Variants in ERI3 observed in about 807,000 individuals in gnomAD.
The protein encoded by ERI3 is ERI1 exoribonuclease 3.
ERI3 carries 18 observed loss-of-function variants against 44.4 expected under a neutral mutation model. That is an observed-to-expected ratio of 0.41 (90% CI 0.28 to 0.60). The LOEUF is 0.60. Among genes scored for constraint, ERI3 ranks in the 20% least tolerant of loss-of-function variants. The pLI is 0.36. For missense variants in ERI3, 294 were observed against 435.5 expected, an observed-to-expected ratio of 0.68 and a Z score of 2.89; for synonymous variants, 183 against 164.8, an observed-to-expected ratio of 1.11 and a Z score of -0.84.
intron 3 of ERI3, among the ~76,000 whole-genome samples, chr1:44,338,372 C>T (rs559241248): frequency 5.3e-5 from 8 of 152,204 alleles, no homozygotes; most frequent in South Asian, 2.1e-4. Flanking sequence ...AAGGCCTGAC[C>T]GGGGCTGGTA....
chr1:44,304,671 T>G (rs1465058034), intron 6 of ERI3, among the ~76,000 whole-genome samples: 1 of 152,158 alleles, frequency 6.6e-6, no homozygotes, highest in Non-Finnish European at 1.5e-5. Flanking sequence ...GTCTCTTCAG[T>G]GGTCTTGACC....
chr1:44,317,865 A>G (rs1461216678), intron 4 of ERI3, among the ~76,000 whole-genome samples: 1 of 152,152 alleles, frequency 6.6e-6, no homozygotes. Context: ...GATGAAGCAG[A>G]GAGATATGAG....
chr1:44,319,824 G>C, intron 3 of ERI3, 80 bp from the exon 4 acceptor site: 1 of 1,078,642 alleles, frequency 9.3e-7, no homozygotes, highest in Non-Finnish European at 1.4e-6. Flanking sequence ...AGTCAACAAA[G>C]AATGAGTGTT....
At chr1:44,238,170 T>C (rs1243643640) in intron 8 of ERI3, among the ~76,000 whole-genome samples, 1 of 152,086 alleles carries the variant, frequency 6.6e-6, no homozygotes, top group Non-Finnish European at 1.5e-5. Context: ...TGAGGAGCCA[T>C]CATTAGCGGT....
chr1:44,232,609 T>C (rs761482677), intron 8 of ERI3, among the ~76,000 whole-genome samples: 11 of 152,106 alleles, frequency 7.2e-5, no homozygotes, highest in Non-Finnish European at 1.3e-4. Flanking sequence ...TAGTCCAAAA[T>C]AGCTGCTGGA....
rs150429055 is a variant in ERI3 at position 44,240,127 on chromosome 1, G to A, written c.931+7812C>T. Among the ~76,000 whole-genome samples the A allele has an allele frequency of 9.1e-3, 1,391 of 152,362 alleles. 13 individuals carry two copies. The highest frequency in any genetic ancestry group is 0.018 in the Admixed American group (275 of 15,312). ...CAGCAGGCTGGCTTGGGCTACACCA[G>A]CCCCTCCTTGAGCTACATGGGCCTA... On this transcript the variant is annotated intron_variant, in intron 8 of 8. Coordinates refer to ENST00000372257, the MANE Select transcript of ERI3 (RefSeq NM_024066.3).
intron 3 of ERI3, among the ~76,000 whole-genome samples, chr1:44,337,756 T>C (rs1646563745): frequency 6.6e-6 from 1 of 152,076 alleles, no homozygotes; most frequent in Non-Finnish European, 1.5e-5. Context: ...TGAAGACAGA[T>C]CCCTTCCTGA....
Position 44,317,117 on chromosome 1 carries a change from G to T in ERI3, c.606+2511C>A, listed in dbSNP as rs116628641. ...TCTCTCCCCAAGCATGTGCCCATGT[G>T]TGTGCACATGTCATACGCATGTGCG... On this transcript the variant is annotated intron_variant, in intron 4 of 8. Transcript: ENST00000372257. Among the ~76,000 whole-genome samples the T allele has an allele frequency of 5.3e-3, 797 of 150,248 alleles. 6 individuals are homozygous for T. The highest frequency in any genetic ancestry group is 0.018 in the African/African-American group (752 of 40,830).
chr1:44,228,497 G>A lies in ERI3; in HGVS notation c.932-6857C>T, dbSNP rs991423322. ...AATTAGAGTTTATCACTTCAGAGAAGTATGCGGACCGAAGATGTTTTTAAA... is the reference window on the plus strand; with the variant it reads ...AATTAGAGTTTATCACTTCAGAGAAATATGCGGACCGAAGATGTTTTTAAA... On this transcript the variant is annotated intron_variant, in intron 8 of 8. Transcript: ENST00000372257. This position sits in a 1 kb window ranked among gnomAD's most constrained non-coding sequence, Gnocchi z 4.3. 1.3e-5 allele frequency among the ~76,000 whole-genome samples: 2 copies of A among 152,206 alleles called. No homozygotes were observed. The highest frequency in any genetic ancestry group is 4.8e-5 in the African/African-American group (2 of 41,454).
chr1:44,309,857 C>A (rs917793457), intron 5 of ERI3, among the ~76,000 whole-genome samples: 1 of 152,082 alleles, frequency 6.6e-6, no homozygotes, highest in South Asian at 2.1e-4. Flanking sequence ...GCCACCACAC[C>A]CGGCCACGAG....
In ERI3 at chr1:44,228,665, C is replaced by T. The variant is rs1644104174; in HGVS notation, c.932-7025G>A. Among the ~76,000 whole-genome samples the T allele has an allele frequency of 6.6e-6, 1 of 152,224 alleles. No individual in the cohort carries two copies. Among genetic ancestry groups the T allele is most frequent in the African/African-American group, 2.4e-5 (1 of 41,462 alleles). On this transcript the variant is annotated intron_variant, in intron 8 of 8. Coordinates refer to ENST00000372257, the MANE Select transcript of ERI3 (RefSeq NM_024066.3). This position sits in a 1 kb window ranked among gnomAD's most constrained non-coding sequence, Gnocchi z 4.3. Reference sequence around the variant, plus strand: ...ATTACACACCCATTACCCGCCAGCTCACAGCCACTTGGGGGCAGTGGGGTG... The same window carrying T: ...ATTACACACCCATTACCCGCCAGCTTACAGCCACTTGGGGGCAGTGGGGTG...
chr1:44,353,481 G>C, intron 1 of ERI3: 1 of 985,396 alleles, frequency 1.0e-6, no homozygotes, highest in Non-Finnish European at 1.2e-6. Flanking sequence ...CAAAGGACCA[G>C]AAGTTGCAGA....
intron 4 of ERI3, 119 bp from the exon 5 acceptor site, chr1:44,313,347 T>C: frequency 2.3e-6 from 2 of 887,254 alleles, no homozygotes; most frequent in Non-Finnish European, 3.6e-6. Context: ...GATCTGGCAC[T>C]GCTTTAGGTT....
intron 8 of ERI3, among the ~76,000 whole-genome samples, chr1:44,245,204 G>A (rs1294179216): frequency 6.6e-6 from 1 of 151,976 alleles, no homozygotes; most frequent in Non-Finnish European, 1.5e-5. Context: ...TCTTTGGTGC[G>A]AGGGCCATTA....
At chr1:44,247,899 G>A (rs376560047) in intron 8 of ERI3, 40 bp downstream of exon 8, 62 of 1,546,540 alleles carry the variant, frequency 4.0e-5, no homozygotes, top group Middle Eastern at 3.4e-4. Context: ...GGCAAGGGAC[G>A]ATGGATGGAG....
Position 44,354,943 on chromosome 1 carries a change from G to A in ERI3, c.84C>T (p.Pro28=), listed in dbSNP as rs1646967360. The change falls in exon 1 of 9, where the codon CCC becomes CCT. Residue 28 remains proline, a synonymous_variant. Coordinates refer to ENST00000372257, the MANE Select transcript of ERI3 (RefSeq NM_024066.3). Reference sequence around the variant, plus strand: ...CCATCCAAGTCCAGGGGAGAGTAAGGGGAGGGGCGGGGGGCCAGGAGACCA... The same window carrying A: ...CCATCCAAGTCCAGGGGAGAGTAAGAGGAGGGGCGGGGGGCCAGGAGACCA... The part of the protein sequence containing the change: ...GGLVSWPPAP[P]LTLPWTWMGP... 1 of 1,337,202 alleles carries A rather than the reference G, an allele frequency of 7.5e-7. No homozygotes were observed. Among genetic ancestry groups the A allele is most frequent in the Non-Finnish European group, 9.6e-7 (1 of 1,036,386 alleles). The allele number at this position is 1,337,202 out of a possible 1,614,324, so 82.8% of individuals were successfully genotyped here. A position where few individuals can be genotyped will look rare whatever the true frequency, so the allele number is the denominator to read the frequency against.
At chr1:44,302,993 T>C (rs1183445215) in intron 6 of ERI3, among the ~76,000 whole-genome samples, 1 of 152,236 alleles carries the variant, frequency 6.6e-6, no homozygotes, top group Non-Finnish European at 1.5e-5. Context: ...AAGGACTAAA[T>C]GACATCATAT....
At chr1:44,231,642 G>A (rs562826087) in intron 8 of ERI3, among the ~76,000 whole-genome samples, 8 of 152,164 alleles carry the variant, frequency 5.3e-5, no homozygotes, top group African/African-American at 1.7e-4. Context: ...CATTGGTCCC[G>A]GCCCTTGTTC....
intron 2 of ERI3, among the ~76,000 whole-genome samples, chr1:44,347,792 T>C (rs79543415): frequency 0.018 from 2,721 of 151,170 alleles, 32 homozygotes; most frequent in African/African-American, 0.026. Flanking sequence ...AAAAAAAGCA[T>C]ATTTGACATA....
Sources: allele counts gnomAD v4.1 joint callset (sites outside exome capture counted in the v4.1 genomes callset), GRCh38; gene constraint gnomAD v4.1.1; non-coding constraint Gnocchi (gnomAD v3.1); transcripts MANE v1.5; gene names NCBI Gene and HGNC (gene_info 2026-07-23, HGNC 2026-07-21).